TSHZ2: variants seen among roughly 807,000 people sequenced by gnomAD.
TSHZ2 encodes teashirt homolog 2.
Under a neutral mutation model 74.4 loss-of-function variants are expected in TSHZ2, and 21 were observed. The observed-to-expected ratio is 0.28, with a 90% CI of 0.20 to 0.41. The LOEUF (loss-of-function observed/expected upper bound fraction) is 0.41. TSHZ2 is among the 10% of genes least tolerant of loss of function. TSHZ2 has a pLI of 1.00. For synonymous variants in TSHZ2, 540 were observed against 515.3 expected, an observed-to-expected ratio of 1.05 and a Z score of -0.65; for missense variants, 1,244 against 1,293.5, an observed-to-expected ratio of 0.96 and a Z score of 0.59.
intron 2 of TSHZ2, among the ~76,000 whole-genome samples, chr20:53,303,968 A>G (rs772842389): frequency 3.5e-4 from 54 of 152,118 alleles, no homozygotes; most frequent in Non-Finnish European, 6.9e-4. Context: ...CCCAAGGTGG[A>G]CCCAGCCCTT....
At chr20:53,185,843 T>C (rs1988585257) in intron 1 of TSHZ2, among the ~76,000 whole-genome samples, 1 of 152,188 alleles carries the variant, frequency 6.6e-6, no homozygotes, top group Admixed American at 6.5e-5. Flanking sequence ...TGATACTTTT[T>C]CCATATCTAT....
chr20:53,459,703 T>A (rs1985268246), intron 2 of TSHZ2, among the ~76,000 whole-genome samples: 1 of 142,500 alleles, frequency 7.0e-6, no homozygotes, highest in African/African-American at 2.6e-5. Context: ...TACCGGTTGT[T>A]CTTTTCCATG....
chr20:53,403,384 T>C (rs184656479), intron 2 of TSHZ2, among the ~76,000 whole-genome samples: 2,459 of 152,338 alleles, frequency 0.016, 62 homozygotes, highest in African/African-American at 0.053. Context: ...GATGTCCACT[T>C]TACCTGAAGT....
At chr20:53,183,651 C>T (rs1988533687) in intron 1 of TSHZ2, among the ~76,000 whole-genome samples, 1 of 152,190 alleles carries the variant, frequency 6.6e-6, no homozygotes, top group Non-Finnish European at 1.5e-5. Context: ...ACACACAGCT[C>T]TCAGGAGTTT....
chr20:53,302,580 T>C (rs1023420332), intron 2 of TSHZ2, among the ~76,000 whole-genome samples: 2 of 152,130 alleles, frequency 1.3e-5, no homozygotes, highest in African/African-American at 4.8e-5. Flanking sequence ...GGAGAATGGG[T>C]ATTAACAGTG....
In TSHZ2 at chr20:53,286,231, G is replaced by T. The variant is rs1426322575; in HGVS notation, c.*8+29660G>T. Among the ~76,000 whole-genome samples, 3 of 152,206 alleles carry T rather than the reference G, an allele frequency of 2.0e-5. No homozygotes were observed. In the East Asian group the frequency reaches 5.8e-4, roughly 29 times the overall value. ...TAAGCGGAGTGAGCGGCTTATTAAT[G>T]ATTAGAATTATTGTTGCTATTATGA... On this transcript the variant is annotated intron_variant, in intron 2 of 2. Coordinates refer to ENST00000371497, the MANE Select transcript of TSHZ2 (RefSeq NM_173485.6).
intron 2 of TSHZ2, among the ~76,000 whole-genome samples, chr20:53,379,202 C>T (rs949916359): frequency 1.3e-5 from 2 of 151,898 alleles, no homozygotes; most frequent in Non-Finnish European, 2.9e-5. Context: ...AGCAACAGGG[C>T]GAAACCCCGT....
chr20:53,136,848 T>C (rs968431657), intron 1 of TSHZ2, among the ~76,000 whole-genome samples: 1 of 152,286 alleles, frequency 6.6e-6, no homozygotes, highest in Non-Finnish European at 1.5e-5. Context: ...GGATTTTTTT[T>C]CCCCTTCATT....
intron 1 of TSHZ2, among the ~76,000 whole-genome samples, chr20:53,134,375 A>C (rs1178541752): frequency 6.6e-6 from 1 of 152,254 alleles, no homozygotes; most frequent in Admixed American, 6.5e-5. Context: ...GTTTTGTAAA[A>C]AAGAAAACAA....
At chr20:53,286,912 C>T (rs1044180426) in intron 2 of TSHZ2, among the ~76,000 whole-genome samples, 2 of 151,698 alleles carry the variant, frequency 1.3e-5, no homozygotes, top group African/African-American at 4.8e-5. Flanking sequence ...CACACACACA[C>T]ACACACACAC....
At chr20:53,310,686 C>A (rs915800902) in intron 2 of TSHZ2, among the ~76,000 whole-genome samples, 1 of 152,138 alleles carries the variant, frequency 6.6e-6, no homozygotes, top group African/African-American at 2.4e-5. Context: ...TGGCTACCTT[C>A]AACTCCTAGA....
intron 1 of TSHZ2, among the ~76,000 whole-genome samples, chr20:53,057,098 G>A (rs942774998): frequency 2.6e-5 from 4 of 152,130 alleles, no homozygotes; most frequent in Non-Finnish European, 5.9e-5. Context: ...CCCCTGCACC[G>A]CTCTCCTGTA....
At chr20:53,260,594 A>G (rs561805270) in intron 2 of TSHZ2, among the ~76,000 whole-genome samples, 1 of 152,318 alleles carries the variant, frequency 6.6e-6, no homozygotes, top group Non-Finnish European at 1.5e-5. Flanking sequence ...TCTCAGAGGC[A>G]GTGTTTGGAA....
Position 53,148,098 on chromosome 20 carries a change from A to G in TSHZ2, c.41-105401A>G, listed in dbSNP as rs6126765. On this transcript the variant is annotated intron_variant, in intron 1 of 2. Transcript: ENST00000371497. ...ATTTGCACAAACCTGATAAATACAA[A>G]TGTGTCTTTTGGAAAGTCTCTAAAT... Among the ~76,000 whole-genome samples, 253 of 152,350 alleles carry G rather than the reference A, an allele frequency of 1.7e-3. 4 individuals are homozygous for G. The East Asian group carries it at 0.035, about 21-fold the overall frequency.
chr20:53,152,601 A>C (rs1987700422), intron 1 of TSHZ2, among the ~76,000 whole-genome samples: 1 of 152,336 alleles, frequency 6.6e-6, no homozygotes, highest in East Asian at 1.9e-4. Flanking sequence ...CACAAGATTT[A>C]ACTGTTGTCA....
chr20:53,340,499 T>C (rs1980154811), intron 2 of TSHZ2, among the ~76,000 whole-genome samples: 1 of 152,122 alleles, frequency 6.6e-6, no homozygotes, highest in African/African-American at 2.4e-5. Flanking sequence ...AACAAGGTGA[T>C]TTTTCAAAAA....
chr20:53,050,526 T>G (rs1431544232), intron 1 of TSHZ2, among the ~76,000 whole-genome samples: 1 of 152,208 alleles, frequency 6.6e-6, no homozygotes, highest in East Asian at 1.9e-4. Flanking sequence ...AAGAATGTCT[T>G]GCCCGCACGG....
chr20:53,017,752 C>A (rs1445045293), intron 1 of TSHZ2, among the ~76,000 whole-genome samples: 1 of 152,070 alleles, frequency 6.6e-6, no homozygotes, highest in African/African-American at 2.4e-5. Flanking sequence ...ATTTATCATC[C>A]CTTCCTTTTA....
At chr20:53,362,916 G>A (rs1000140384) in intron 2 of TSHZ2, among the ~76,000 whole-genome samples, 5 of 152,172 alleles carry the variant, frequency 3.3e-5, no homozygotes, top group South Asian at 2.1e-4. Flanking sequence ...ACATCAAAAG[G>A]TGTCCTCCGC....
Sources: gnomAD v4.1 joint callset for allele counts (sites outside exome capture counted in the v4.1 genomes callset) on GRCh38, gnomAD v4.1.1 for gene constraint, MANE v1.5 for transcripts, NCBI Gene and HGNC (gene_info 2026-07-23, HGNC 2026-07-21) for gene names.